The following SLAIN2 variants were observed in gnomAD, a reference collection of about 807,000 sequenced individuals.
SLAIN2 encodes SLAIN motif-containing protein 2.
A neutral mutation model predicts 56.6 loss-of-function variants in SLAIN2; 31 were observed. The observed-to-expected ratio is 0.55, with a 90% CI of 0.41 to 0.74. The LOEUF (loss-of-function observed/expected upper bound fraction) is 0.74. Among genes scored for constraint, SLAIN2 ranks in the 30% least tolerant of loss-of-function variants. The pLI, the probability that SLAIN2 is intolerant of heterozygous loss-of-function variation, is 0.00. For synonymous variants in SLAIN2, 317 were observed against 284.9 expected, an observed-to-expected ratio of 1.11 and a Z score of -1.13; for missense variants, 777 against 754.2, an observed-to-expected ratio of 1.03 and a Z score of -0.35.
chr4:48,388,836 T>C (rs868720171), intron 6 of SLAIN2, among the ~76,000 whole-genome samples: 3 of 152,238 alleles, frequency 2.0e-5, no homozygotes, highest in Admixed American at 6.5e-5. Flanking sequence ...TAGTGAGATA[T>C]TATCCATTTG....
intron 2 of SLAIN2, among the ~76,000 whole-genome samples, chr4:48,372,090 A>G (rs1156957230): frequency 2.6e-5 from 4 of 151,894 alleles, no homozygotes; most frequent in Admixed American, 2.0e-4. Flanking sequence ...ATATCCCTAG[A>G]AACTGTTTTT....
At chr4:48,390,799 C>G (rs879688344) in intron 6 of SLAIN2, among the ~76,000 whole-genome samples, 12 of 152,178 alleles carry the variant, frequency 7.9e-5, no homozygotes, top group Middle Eastern at 3.4e-3. Flanking sequence ...ATTGATCTTT[C>G]GATATTGGGG....
intron 6 of SLAIN2, among the ~76,000 whole-genome samples, chr4:48,406,647 C>A (rs1382491513): frequency 6.6e-6 from 1 of 151,626 alleles, no homozygotes; most frequent in Non-Finnish European, 1.5e-5. Context: ...ATGTTTGATG[C>A]CTAATGCCAG....
intron 1 of SLAIN2, among the ~76,000 whole-genome samples, chr4:48,350,941 A>T (rs1436913728): frequency 2.6e-5 from 4 of 152,254 alleles, no homozygotes; most frequent in Admixed American, 2.6e-4. Context: ...TCTTGAAAGT[A>T]TTTGGAAAGA....
intron 1 of SLAIN2, among the ~76,000 whole-genome samples, chr4:48,345,398 C>G (rs184126846): frequency 2.6e-5 from 4 of 152,234 alleles, no homozygotes; most frequent in Admixed American, 6.5e-5. Flanking sequence ...TTAATTAACT[C>G]TAAGTTGCTC....
chr4:48,361,360 C>T (rs1715322453), intron 1 of SLAIN2, among the ~76,000 whole-genome samples: 2 of 152,136 alleles, frequency 1.3e-5, no homozygotes, highest in Admixed American at 1.3e-4. Flanking sequence ...TTCCATATGG[C>T]TGCTATTTAA....
At chr4:48,394,905 A>T (rs1286104783) in intron 6 of SLAIN2, among the ~76,000 whole-genome samples, 1 of 152,236 alleles carries the variant, frequency 6.6e-6, no homozygotes, top group Non-Finnish European at 1.5e-5. Context: ...TTACCCACTT[A>T]AAATGAAAGG....
chr4:48,393,958 C>T (rs765550812), intron 6 of SLAIN2, among the ~76,000 whole-genome samples: 2 of 152,136 alleles, frequency 1.3e-5, no homozygotes, highest in African/African-American at 2.4e-5. Context: ...CAACCCACAC[C>T]AGCATTACAT....
At chr4:48,370,101 T>C in intron 2 of SLAIN2, 104 bp downstream of exon 2, 1 of 1,173,926 alleles carries the variant, frequency 8.5e-7, no homozygotes, top group East Asian at 2.5e-5. Context: ...TTGGAGCATT[T>C]TTCAAATCTC....
chr4:48,408,025 A>G (rs768570787), intron 6 of SLAIN2, among the ~76,000 whole-genome samples: 15 of 152,184 alleles, frequency 9.9e-5, no homozygotes, highest in Non-Finnish European at 1.9e-4. Context: ...ATGTATCAGT[A>G]TAGTCATTTG....
chr4:48,401,282 C>A (rs1022233741), intron 6 of SLAIN2, among the ~76,000 whole-genome samples: 1 of 152,120 alleles, frequency 6.6e-6, no homozygotes, highest in African/African-American at 2.4e-5. Context: ...TTGTAGACAT[C>A]TATCAGGTCC....
chr4:48,402,200 A>ATTT (rs34736334), intron 6 of SLAIN2, among the ~76,000 whole-genome samples: 2 of 144,840 alleles, frequency 1.4e-5, no homozygotes, highest in Non-Finnish European at 3.0e-5. Flanking sequence ...GCTGCCCTTA[A>ATTT]TTTTTTTTTT....
chr4:48,410,279 G>GT lies in SLAIN2; in HGVS notation c.1361-9832dup, dbSNP rs767661540. Reference sequence around the variant, plus strand: ...CAAATTCTTTGTCTCTGTTTTTTTAGTTTTTTTTTTTTTTAATTGAGTAGT... The same window carrying GT: ...CAAATTCTTTGTCTCTGTTTTTTTAGTTTTTTTTTTTTTTTAATTGAGTAGT... On this transcript the variant is annotated intron_variant, in intron 6 of 7. Transcript: ENST00000264313. Among the ~76,000 whole-genome samples the GT allele has an allele frequency of 7.6e-3, 1,036 of 136,014 alleles. 23 individuals carry two copies. The highest frequency in any genetic ancestry group is 0.047 in the Admixed American group (642 of 13,758). 89.2% of individuals were successfully genotyped at this position (136,014 alleles called of 152,430 possible).
At chr4:48,348,902 A>G (rs975469211) in intron 1 of SLAIN2, among the ~76,000 whole-genome samples, 1 of 152,202 alleles carries the variant, frequency 6.6e-6, no homozygotes, top group Non-Finnish European at 1.5e-5. Context: ...GGTGAATAAA[A>G]ATGAGTTAGC....
chr4:48,390,699 A>T (rs1258715677), intron 6 of SLAIN2, among the ~76,000 whole-genome samples: 3 of 152,146 alleles, frequency 2.0e-5, no homozygotes, highest in African/African-American at 2.4e-5. Flanking sequence ...TCATTTTTTT[A>T]AAAAGGAAAA....
rs185333358 is a variant in SLAIN2, at chr4:48,346,295, C to T, written c.389+4167C>T. Among the ~76,000 whole-genome samples, 4 of 152,106 alleles carry T rather than the reference C, an allele frequency of 2.6e-5. No individual in the cohort carries two copies. In the East Asian group the frequency reaches 5.8e-4, roughly 22 times the overall value. On this transcript the variant is annotated intron_variant, in intron 1 of 7. Coordinates refer to ENST00000264313, the MANE Select transcript of SLAIN2 (RefSeq NM_020846.2). ...TTTTATCCAGACTTTTGATCCTGCC[C>T]GTGTTCACCATGATCTTAGTGATAA...
intron 1 of SLAIN2, among the ~76,000 whole-genome samples, chr4:48,359,452 T>C (rs1431639128): frequency 1.3e-5 from 2 of 152,258 alleles, no homozygotes; most frequent in Non-Finnish European, 2.9e-5. Context: ...TTCAGCTGGC[T>C]ACAATATGAA....
In SLAIN2 at chr4:48,377,906, G is replaced by A. The variant is rs552073823; in HGVS notation, c.549G>A (p.Arg183=). The change falls in exon 3 of 8, where the codon AGG becomes AGA. Residue 183 remains arginine (R), a synonymous_variant. Coordinates refer to ENST00000264313, the MANE Select transcript of SLAIN2 (RefSeq NM_020846.2). ...KLDQTMSALK[R]QNLYNNPFNS... ...TTCTCATTAATGCAGCTCTCAAGAG[G>A]CAGAATTTATATAATAATCCTTTCA... The A allele has an allele frequency of 1.2e-6, 2 of 1,613,126 alleles. No individual in the cohort carries two copies. The highest frequency in any genetic ancestry group is 2.7e-5 in the African/African-American group (2 of 74,980).
At position 48,422,170 on chromosome 4, in the gene SLAIN2, A is replaced by C; in HGVS notation, c.*93A>C. Reference sequence around the variant, plus strand: ...TTTATATGCAGACTGTTCAGATAAGACTCTTGGGATTTATAAAATCCCAGC... The same window carrying C: ...TTTATATGCAGACTGTTCAGATAAGCCTCTTGGGATTTATAAAATCCCAGC... On this transcript the variant is annotated 3_prime_UTR_variant, in exon 8 of 8. Coordinates refer to ENST00000264313, the MANE Select transcript of SLAIN2 (RefSeq NM_020846.2). The C allele has an allele frequency of 1.1e-6, 1 of 920,124 alleles. No homozygotes were observed. 57.0% of individuals were successfully genotyped at this position (920,124 alleles called of 1,614,324 possible).
Sources: allele counts gnomAD v4.1 joint callset (sites outside exome capture counted in the v4.1 genomes callset), GRCh38; gene constraint gnomAD v4.1.1; transcripts MANE v1.5; gene names NCBI Gene and HGNC (gene_info 2026-07-23, HGNC 2026-07-21).